GRIK1: variants seen among roughly 807,000 people sequenced by gnomAD.
The protein encoded by GRIK1 is glutamate ionotropic receptor kainate type subunit 1.
A neutral mutation model predicts 105.7 loss-of-function variants in GRIK1; 69 were observed. The ratio of observed to expected loss-of-function variants is 0.65; its 90% CI spans 0.54 to 0.80. The LOEUF is 0.80. Among genes scored for constraint, GRIK1 ranks in the 30% least tolerant of loss-of-function variants. The pLI, the probability that GRIK1 is intolerant of heterozygous loss-of-function variation, is 0.00. For synonymous variants in GRIK1, 438 were observed against 431.3 expected (o/e 1.02, Z -0.19); for missense variants, 1,109 against 1,167.3 (o/e 0.95, Z 0.73).
At chr21:29,629,067 C>A (rs1568908636) in intron 7 of GRIK1, among the ~76,000 whole-genome samples, 1 of 152,050 alleles carries the variant, frequency 6.6e-6, no homozygotes, top group Non-Finnish European at 1.5e-5. Flanking sequence ...TTTAACAGTT[C>A]TTGTTTCCAA....
chr21:29,809,403 T>C (rs540347421), intron 1 of GRIK1, among the ~76,000 whole-genome samples: 9 of 152,188 alleles, frequency 5.9e-5, no homozygotes, highest in African/African-American at 2.2e-4. Context: ...TACCTTGATT[T>C]AAAAATGCTT....
intron 1 of GRIK1, among the ~76,000 whole-genome samples, chr21:29,758,099 A>G (rs1189786915): frequency 2.0e-5 from 3 of 152,240 alleles, no homozygotes; most frequent in Non-Finnish European, 2.9e-5. Context: ...CTGGAGCCAC[A>G]TTCCATTGGC....
chr21:29,887,066 T>C (rs2069657439), intron 1 of GRIK1, among the ~76,000 whole-genome samples: 1 of 152,192 alleles, frequency 6.6e-6, no homozygotes, highest in South Asian at 2.1e-4. Context: ...ATACTAATTG[T>C]ATGGTGGTTT....
At chr21:29,854,549 G>A (rs1462238788) in intron 1 of GRIK1, among the ~76,000 whole-genome samples, 1 of 152,130 alleles carries the variant, frequency 6.6e-6, no homozygotes, top group Non-Finnish European at 1.5e-5. Flanking sequence ...AATGGACTTG[G>A]GTGGGGGAAT....
At chr21:29,881,731 C>T (rs900577198) in intron 1 of GRIK1, among the ~76,000 whole-genome samples, 6 of 152,090 alleles carry the variant, frequency 3.9e-5, no homozygotes, top group African/African-American at 1.2e-4. Context: ...ACTCCTTTGG[C>T]TAGAGTGGGA....
At chr21:29,749,862 A>T (rs1210227114) in intron 1 of GRIK1, among the ~76,000 whole-genome samples, 1 of 152,224 alleles carries the variant, frequency 6.6e-6, no homozygotes, top group Non-Finnish European at 1.5e-5. Flanking sequence ...CCTAGTCCGC[A>T]TATTGCAATG....
chr21:29,915,911 C>T (rs1178478076), intron 1 of GRIK1, among the ~76,000 whole-genome samples: 2 of 151,986 alleles, frequency 1.3e-5, no homozygotes, highest in African/African-American at 4.8e-5. Flanking sequence ...GCATGTCTTA[C>T]TCTTTTCAGA....
chr21:29,614,402 CTTTT>C (rs35063316), intron 7 of GRIK1, among the ~76,000 whole-genome samples: 2,050 of 82,922 alleles, frequency 0.025, 13 homozygotes, highest in East Asian at 0.052. Flanking sequence ...TAAAATCCCT[CTTTT>C]TTTTTTTTTT....
intron 1 of GRIK1, among the ~76,000 whole-genome samples, chr21:29,808,637 T>C (rs1015714619): frequency 3.9e-5 from 6 of 152,166 alleles, no homozygotes; most frequent in Non-Finnish European, 7.4e-5. Flanking sequence ...TCAATGCCAG[T>C]GTTCCTCCTT....
At chr21:29,665,001 C>T (rs1404616358) in intron 4 of GRIK1, among the ~76,000 whole-genome samples, 3 of 152,126 alleles carry the variant, frequency 2.0e-5, no homozygotes, top group African/African-American at 7.2e-5. Flanking sequence ...TCTAAAGTTC[C>T]CCTGCTTCCA....
chr21:29,690,137 G>A, intron 2 of GRIK1, 152 bp from the exon 3 acceptor site: 1 of 665,980 alleles, frequency 1.5e-6, no homozygotes, highest in South Asian at 1.9e-5. Context: ...TGCATATTGA[G>A]GAAATACGGT....
At chr21:29,632,519 AC>A (rs978711205) in intron 7 of GRIK1, among the ~76,000 whole-genome samples, 2 of 83,932 alleles carry the variant, frequency 2.4e-5, no homozygotes, top group Non-Finnish European at 5.7e-5. Flanking sequence ...AAATACACAC[AC>A]ACACACACAC....
rs199506909 is a variant in GRIK1, at chr21:29,673,189, A to C, written c.545-25T>G. 3.2e-3 allele frequency: 4,740 copies of C among 1,502,750 alleles called. 28 individuals are homozygous for C. The highest frequency in any genetic ancestry group is 4.0e-3 in the Non-Finnish European group (4,351 of 1,081,710). 93.1% of individuals were successfully genotyped at this position (1,502,750 alleles called of 1,614,324 possible). A position where few individuals can be genotyped will look rare whatever the true frequency, so the allele number is the denominator to read the frequency against. ...CCTAGAAAATGACATGCAATCATGCAATGGAGACTGTTCTGTCGACAGAGT... is the reference window on the plus strand; with the variant it reads ...CCTAGAAAATGACATGCAATCATGCCATGGAGACTGTTCTGTCGACAGAGT... On this transcript the variant is annotated intron_variant, in intron 3 of 17. Coordinates refer to ENST00000327783, the MANE Select transcript of GRIK1 (RefSeq NM_001330994.2).
chr21:29,791,395 C>T (rs528339490), intron 1 of GRIK1, among the ~76,000 whole-genome samples: 6 of 152,116 alleles, frequency 3.9e-5, no homozygotes, highest in South Asian at 4.2e-4. Context: ...AGAGTGGAGT[C>T]GTTCCTGTGG....
chr21:29,664,268 G>A (rs562249406), intron 4 of GRIK1, among the ~76,000 whole-genome samples: 4 of 152,260 alleles, frequency 2.6e-5, no homozygotes, highest in Admixed American at 6.5e-5. Context: ...GAGTGATGTC[G>A]TGATACAGAG....
rs202159667 is a variant in GRIK1, at chr21:29,838,353, C to T, written c.118+101030G>A. On this transcript the variant is annotated intron_variant, in intron 1 of 17. Coordinates refer to ENST00000327783, the MANE Select transcript of GRIK1 (RefSeq NM_001330994.2). ...GCTCTCTGAAGAACTTCAATGAAGA[C>T]GGATATCACAGAAAAAAAAAAGATT... 2.7e-4 allele frequency among the ~76,000 whole-genome samples: 41 copies of T among 151,744 alleles called. No homozygotes were observed. The East Asian group carries it at 5.8e-3, about 22-fold the overall frequency.
At chr21:29,560,382 TTCCTTCCTTCCTTC>T (rs2090401577) in intron 15 of GRIK1, among the ~76,000 whole-genome samples, 1 of 75,454 alleles carries the variant, frequency 1.3e-5, no homozygotes, top group Non-Finnish European at 2.5e-5. Context: ...CCTTCCTTCC[TTCCTTCCTTCCTTC>T]CTTCCTTTCT....
chr21:29,917,246 A>C (rs188724255), intron 1 of GRIK1, among the ~76,000 whole-genome samples: 1 of 152,194 alleles, frequency 6.6e-6, no homozygotes, highest in African/African-American at 2.4e-5. Flanking sequence ...GACAAACGTT[A>C]AAATATGCTT....
At chr21:29,725,586 C>T (rs2062623076) in intron 1 of GRIK1, among the ~76,000 whole-genome samples, 1 of 152,202 alleles carries the variant, frequency 6.6e-6, no homozygotes, top group African/African-American at 2.4e-5. Flanking sequence ...CTGCATACGA[C>T]CAGGTGTAGC....
Sources: gnomAD v4.1 joint callset for allele counts (sites outside exome capture counted in the v4.1 genomes callset) on GRCh38, gnomAD v4.1.1 for gene constraint, MANE v1.5 for transcripts, NCBI Gene and HGNC (gene_info 2026-07-23, HGNC 2026-07-21) for gene names.